SMYD3: variants seen among roughly 807,000 people sequenced by gnomAD.
SMYD3 encodes histone-lysine N-methyltransferase SMYD3.
In SMYD3, 36 loss-of-function variants were observed where a neutral mutation model predicts 57.7. The observed-to-expected ratio is 0.62, with a 90% confidence interval of 0.48 to 0.82. The LOEUF is 0.82. SMYD3 is among the 40% of genes least tolerant of loss of function. The pLI is 0.00. For missense variants in SMYD3, 515 were observed against 538.8 expected (o/e 0.96, Z 0.44); for synonymous variants, 211 against 195.0 (o/e 1.08, Z -0.68).
At chr1:245,851,071 A>C (rs542940487) in intron 10 of SMYD3, among the ~76,000 whole-genome samples, 336 of 152,156 alleles carry the variant, frequency 2.2e-3, no homozygotes, top group Non-Finnish European at 4.1e-3. Context: ...TCAATCGGGG[A>C]CCTCCAAGAG....
chr1:246,357,534 C>T (rs1045451301), intron 1 of SMYD3, among the ~76,000 whole-genome samples: 9 of 152,302 alleles, frequency 5.9e-5, no homozygotes, highest in African/African-American at 2.2e-4. Flanking sequence ...TCTTTTGTTC[C>T]TTTACTTTCC....
intron 5 of SMYD3, among the ~76,000 whole-genome samples, chr1:246,267,867 T>C (rs565041804): frequency 1.3e-5 from 2 of 152,364 alleles, no homozygotes; most frequent in African/African-American, 4.8e-5. Flanking sequence ...CAGATTTCTA[T>C]TCCCAAAGTC....
chr1:245,946,942 T>C (rs1038339358), intron 5 of SMYD3, among the ~76,000 whole-genome samples: 10 of 151,000 alleles, frequency 6.6e-5, no homozygotes, highest in Admixed American at 4.6e-4. Context: ...TATTTCTTTG[T>C]TAAGTCACTC....
intron 5 of SMYD3, among the ~76,000 whole-genome samples, chr1:246,238,538 T>G (rs2063547287): frequency 6.6e-6 from 1 of 152,224 alleles, no homozygotes; most frequent in African/African-American, 2.4e-5. Flanking sequence ...ACTGTAGAAC[T>G]AAGTATTGTG....
At chr1:246,444,243 A>G (rs978436816) in intron 1 of SMYD3, among the ~76,000 whole-genome samples, 1 of 151,628 alleles carries the variant, frequency 6.6e-6, no homozygotes. Flanking sequence ...TTTCTGCCTC[A>G]GCCTCCCAAG....
intron 1 of SMYD3, among the ~76,000 whole-genome samples, chr1:246,357,773 C>T (rs1159393988): frequency 6.6e-6 from 1 of 152,152 alleles, no homozygotes; most frequent in Non-Finnish European, 1.5e-5. Flanking sequence ...AGAGAATTCG[C>T]CACTACCAAG....
intron 1 of SMYD3, among the ~76,000 whole-genome samples, chr1:246,366,463 C>G (rs2066103983): frequency 6.6e-6 from 1 of 152,026 alleles, no homozygotes; most frequent in East Asian, 1.9e-4. Context: ...GAGCAGCAGC[C>G]CCCTGGCAGG....
intron 8 of SMYD3, among the ~76,000 whole-genome samples, chr1:245,907,491 C>T (rs890148589): frequency 2.0e-5 from 3 of 152,210 alleles, no homozygotes; most frequent in Middle Eastern, 3.4e-3. Flanking sequence ...TATCCAGCAG[C>T]AAAAGGACAA....
intron 11 of SMYD3, among the ~76,000 whole-genome samples, chr1:245,762,451 A>G (rs1159110693): frequency 6.6e-6 from 1 of 152,188 alleles, no homozygotes; most frequent in African/African-American, 2.4e-5. Flanking sequence ...GGACTTTCAC[A>G]CAGTAGGCCC....
chr1:246,376,366 G>C (rs543818245), intron 1 of SMYD3, among the ~76,000 whole-genome samples: 1 of 151,720 alleles, frequency 6.6e-6, no homozygotes, highest in East Asian at 1.9e-4. Flanking sequence ...CGAGGTGAGC[G>C]GATCACCTGA....
At chr1:246,473,156 C>A (rs2067982994) in intron 1 of SMYD3, among the ~76,000 whole-genome samples, 1 of 152,176 alleles carries the variant, frequency 6.6e-6, no homozygotes. Flanking sequence ...TGCACCCGGC[C>A]TAATGAATCT....
intron 1 of SMYD3, among the ~76,000 whole-genome samples, chr1:246,443,194 G>A (rs914690699): frequency 1.3e-5 from 2 of 152,120 alleles, no homozygotes; most frequent in African/African-American, 4.8e-5. Flanking sequence ...AGTAACACTG[G>A]TTTCACCAAG....
Position 246,342,415 on chromosome 1 carries a change from C to T in SMYD3, c.229-6941G>A, listed in dbSNP as rs138278863. 4.6e-5 allele frequency among the ~76,000 whole-genome samples: 7 copies of T among 152,258 alleles called. No individual in the cohort carries two copies. In the East Asian group the frequency reaches 1.4e-3, roughly 29 times the overall value. ...TTTGCTTGATAGCAAATAAATAATG[C>T]CTCCTCCTTTATCCTTGAAATGTAG... On this transcript the variant is annotated intron_variant, in intron 2 of 11. Coordinates refer to ENST00000490107, the MANE Select transcript of SMYD3 (RefSeq NM_001167740.2).
chr1:245,952,902 C>T (rs973284686), intron 5 of SMYD3, among the ~76,000 whole-genome samples: 1 of 152,144 alleles, frequency 6.6e-6, no homozygotes, highest in African/African-American at 2.4e-5. Context: ...ATTGAGGTTT[C>T]CTTGTGCAGG....
chr1:246,221,813 G>A (rs896464541), intron 5 of SMYD3, among the ~76,000 whole-genome samples: 8 of 152,136 alleles, frequency 5.3e-5, no homozygotes, highest in Non-Finnish European at 1.0e-4. Context: ...CTGGTAGCAT[G>A]AGCTGAGCGC....
At chr1:245,851,793 C>T (rs1210716547) in intron 10 of SMYD3, among the ~76,000 whole-genome samples, 1 of 152,138 alleles carries the variant, frequency 6.6e-6, no homozygotes, top group East Asian at 1.9e-4. Flanking sequence ...CAATGCTGTC[C>T]AGAGTGAAAC....
chr1:246,229,964 TA>T (rs893632355), intron 5 of SMYD3, among the ~76,000 whole-genome samples: 3 of 152,210 alleles, frequency 2.0e-5, no homozygotes, highest in African/African-American at 7.2e-5. Flanking sequence ...CCTTCAGCTC[TA>T]AAAATCTGGG....
intron 11 of SMYD3, among the ~76,000 whole-genome samples, chr1:245,759,085 T>C (rs919722049): frequency 1.6e-4 from 25 of 152,340 alleles, no homozygotes; most frequent in African/African-American, 5.5e-4. Flanking sequence ...AAATTTCTGC[T>C]TATTTCCCAT....
intron 5 of SMYD3, among the ~76,000 whole-genome samples, chr1:246,031,629 C>T (rs1488173419): frequency 6.6e-6 from 1 of 151,162 alleles, no homozygotes; most frequent in Non-Finnish European, 1.5e-5. Context: ...CCCAGCTACT[C>T]GGGAGGCTGA....
Sources: allele counts gnomAD v4.1 joint callset (sites outside exome capture counted in the v4.1 genomes callset), GRCh38; gene constraint gnomAD v4.1.1; transcripts MANE v1.5; gene names NCBI Gene and HGNC (gene_info 2026-07-23, HGNC 2026-07-21).